The following PCNX2 variants were observed in gnomAD, a reference collection of about 807,000 sequenced individuals.
The protein encoded by PCNX2 is pecanex 2.
PCNX2 carries 168 observed loss-of-function variants against 223.8 expected under a neutral mutation model. The ratio of observed to expected loss-of-function variants is 0.75; its 90% confidence interval spans 0.66 to 0.85. The LOEUF (loss-of-function observed/expected upper bound fraction) is 0.85, where lower values mean the gene tolerates loss of function less well. PCNX2 is among the 40% of genes least tolerant of loss of function. PCNX2 has a pLI of 0.00. For synonymous variants in PCNX2, 1,006 were observed against 1,052.6 expected (o/e 0.96, Z 0.86); for missense variants, 2,507 against 2,675.5 (o/e 0.94, Z 1.39).
intron 15 of PCNX2, among the ~76,000 whole-genome samples, chr1:233,194,187 T>C (rs1680583436): frequency 6.6e-6 from 1 of 151,924 alleles, no homozygotes; most frequent in South Asian, 2.1e-4. Context: ...GAAACAAATA[T>C]TGGAATAACG....
At chr1:233,321,013 C>CTTTTTTTTTTTTT in the PCNX2 span, among the ~76,000 whole-genome samples, 3 of 70,364 alleles carry the variant, frequency 4.3e-5, 1 homozygote, top group African/African-American at 1.8e-4. Flanking sequence ...AAAATGTCTT[C>CTTTTTTTTTTTTT]TTTTTTTTTT....
chr1:233,315,811 T>C, the PCNX2 span, among the ~76,000 whole-genome samples: 132 of 151,920 alleles, frequency 8.7e-4, no homozygotes, highest in Admixed American at 3.1e-3. Flanking sequence ...TGACTAACCT[T>C]TTTTTAAAAA....
intron 1 of PCNX2, among the ~76,000 whole-genome samples, chr1:233,265,554 C>T (rs867545696): frequency 2.3e-4 from 35 of 152,184 alleles, no homozygotes; most frequent in African/African-American, 8.2e-4. Context: ...TAAGATGATG[C>T]AGTTTCTTTC....
At chr1:233,254,339 G>A (rs1372877874) in intron 5 of PCNX2, among the ~76,000 whole-genome samples, 3 of 152,138 alleles carry the variant, frequency 2.0e-5, no homozygotes, top group Non-Finnish European at 4.4e-5. Context: ...ATAACAAATA[G>A]CTTTAGCCAG....
At chr1:233,088,042 A>G (rs1315833331) in intron 23 of PCNX2, among the ~76,000 whole-genome samples, 1 of 152,242 alleles carries the variant, frequency 6.6e-6, no homozygotes, top group Non-Finnish European at 1.5e-5. Context: ...ATGTTTAAGT[A>G]ACCCACATAA....
chr1:233,259,790 A>C (rs1226264219), intron 4 of PCNX2: 2 of 824,896 alleles, frequency 2.4e-6, no homozygotes, highest in East Asian at 2.5e-4. Context: ...AAGAACATGA[A>C]CTCATTCTTA....
intron 21 of PCNX2, among the ~76,000 whole-genome samples, chr1:233,128,992 G>T (rs116473776): frequency 1.4e-4 from 21 of 152,340 alleles, no homozygotes; most frequent in Non-Finnish European, 2.8e-4. Context: ...CACTCTTGGC[G>T]CCTCCTCGGC....
intron 26 of PCNX2, among the ~76,000 whole-genome samples, chr1:233,023,164 A>G (rs529911529): frequency 1.3e-5 from 2 of 152,220 alleles, no homozygotes; most frequent in Non-Finnish European, 2.9e-5. Context: ...TGTTCCTGCA[A>G]CCACCCTGTC....
intron 23 of PCNX2, among the ~76,000 whole-genome samples, chr1:233,060,465 A>G (rs1307375218): frequency 6.6e-6 from 1 of 152,226 alleles, no homozygotes; most frequent in Non-Finnish European, 1.5e-5. Flanking sequence ...AATTCTGATG[A>G]GCAATAACTA....
In PCNX2 at chr1:233,001,475, A is replaced by G. The variant is rs1254810823; in HGVS notation, c.5097+62T>C. ...GCCTGGGCAACAAGAGCGAAACTCC[A>G]TCTCATAAATAAATAAATAAATAAA... On this transcript the variant is annotated intron_variant, in intron 29 of 33. Coordinates refer to ENST00000258229, the MANE Select transcript of PCNX2 (RefSeq NM_014801.4). The surrounding 1 kb of genome is among the most constrained non-coding windows in gnomAD (Gnocchi z 4.2). The G allele has an allele frequency of 5.9e-6, 6 of 1,019,582 alleles. No homozygotes were observed. The highest frequency in any genetic ancestry group is 1.2e-4 in the Admixed American group (2 of 16,300). 63.2% of individuals were successfully genotyped at this position (1,019,582 alleles called of 1,614,324 possible). A position where few individuals can be genotyped will look rare whatever the true frequency, so the allele number is the denominator to read the frequency against.
At chr1:232,987,663 T>C (rs938125529) in intron 32 of PCNX2, among the ~76,000 whole-genome samples, 1 of 152,206 alleles carries the variant, frequency 6.6e-6, no homozygotes, top group Non-Finnish European at 1.5e-5. Context: ...GAAGCGGGCG[T>C]GGCTGCCTCC....
At position 233,293,381 on chromosome 1, in the gene PCNX2, C is replaced by T. The variant is rs574981003; in HGVS notation, c.153+1945G>A. On this transcript the variant is annotated intron_variant, in intron 1 of 33. Coordinates refer to ENST00000258229, the MANE Select transcript of PCNX2 (RefSeq NM_014801.4). ...TATATGAGATCAGTGTTACCAAATGCAGAGCACTCTGCTATGTACAAGGAA... is the reference window on the plus strand; with the variant it reads ...TATATGAGATCAGTGTTACCAAATGTAGAGCACTCTGCTATGTACAAGGAA... 1.9e-4 allele frequency among the ~76,000 whole-genome samples: 29 copies of T among 152,274 alleles called. No individual in the cohort carries two copies. The South Asian group carries it at 5.6e-3, about 29-fold the overall frequency.
chr1:233,252,908 T>C (rs1041369602), intron 5 of PCNX2, 120 bp from the exon 6 acceptor site: 1 of 1,012,208 alleles, frequency 9.9e-7, no homozygotes, highest in Middle Eastern at 3.3e-4. Flanking sequence ...CTCCTCTGCA[T>C]GCAAAAGGCT....
intron 23 of PCNX2, 149 bp downstream of exon 23, chr1:233,089,912 C>T (rs1673784665): frequency 1.4e-6 from 2 of 1,449,198 alleles, no homozygotes; most frequent in South Asian, 1.5e-5. Context: ...AGTCAATGAA[C>T]TGAGGAGGTC....
chr1:233,279,195 T>C (rs781611477), intron 1 of PCNX2, among the ~76,000 whole-genome samples: 5 of 152,072 alleles, frequency 3.3e-5, no homozygotes, highest in Non-Finnish European at 4.4e-5. Flanking sequence ...AATAAATAAG[T>C]CATGATTTCA....
chr1:233,143,546 G>T (rs1312049118), intron 19 of PCNX2, among the ~76,000 whole-genome samples: 2 of 152,182 alleles, frequency 1.3e-5, no homozygotes, highest in African/African-American at 2.4e-5. Context: ...CAATGAGTCA[G>T]AAATTCTGCG....
chr1:233,030,914 C>T (rs1244267362), intron 25 of PCNX2, among the ~76,000 whole-genome samples: 1 of 152,212 alleles, frequency 6.6e-6, no homozygotes, highest in Non-Finnish European at 1.5e-5. Flanking sequence ...CTTTGCAATT[C>T]ACTCCTGTCT....
chr1:233,233,451 TG>T (rs1658193533), intron 9 of PCNX2, among the ~76,000 whole-genome samples: 1 of 151,678 alleles, frequency 6.6e-6, no homozygotes, highest in Non-Finnish European at 1.5e-5. Flanking sequence ...TGTGTGTGTG[TG>T]TGTGTGTGTG....
chr1:233,270,190 CA>C (rs887479866), intron 1 of PCNX2, among the ~76,000 whole-genome samples: 1 of 151,328 alleles, frequency 6.6e-6, no homozygotes, highest in African/African-American at 2.4e-5. Context: ...GGTGTGTATA[CA>C]AAAAAAAGCA....
Sources: gnomAD v4.1 joint callset for allele counts (sites outside exome capture counted in the v4.1 genomes callset) on GRCh38, gnomAD v4.1.1 for gene constraint, Gnocchi (gnomAD v3.1) non-coding constraint, MANE v1.5 for transcripts, NCBI Gene and HGNC (gene_info 2026-07-23, HGNC 2026-07-21) for gene names.